The following PMFBP1 variants were observed in gnomAD, a reference collection of about 807,000 sequenced individuals.
The protein encoded by PMFBP1 is polyamine-modulated factor 1-binding protein 1.
PMFBP1 carries 131 observed loss-of-function variants against 137.8 expected under a neutral mutation model. The observed-to-expected ratio is 0.95, with a 90% CI of 0.82 to 1.10. PMFBP1 has a LOEUF of 1.10. Among genes scored for constraint, PMFBP1 ranks in the 50% least tolerant of loss-of-function variants. The pLI is 0.00. For missense variants in PMFBP1, 1,199 were observed against 1,175.4 expected (o/e 1.02, Z -0.29); for synonymous variants, 490 against 450.4 (o/e 1.09, Z -1.11).
intron 3 of PMFBP1, among the ~76,000 whole-genome samples, chr16:72,160,641 T>C (rs764675616): frequency 5.9e-5 from 9 of 152,198 alleles, no homozygotes; most frequent in Non-Finnish European, 1.3e-4. Flanking sequence ...ATATTTTTCT[T>C]TATTGAGAAA....
At chr16:72,221,278 A>T in the PMFBP1 span, among the ~76,000 whole-genome samples, 1 of 152,188 alleles carries the variant, frequency 6.6e-6, no homozygotes, top group South Asian at 2.1e-4. Context: ...CCCGCCTCCA[A>T]CATCATTAAG....
rs201023213 is a variant in PMFBP1, at chr16:72,119,936, G to A, written c.2922C>T (p.Cys974=). ...RTESTQREKV[C]GTLGWKGLPQ... ...GCAACCCCTTCCAGCCCAAGGTGCC[G>A]CACACTTTCTCCCTCTGTGTGGACT... The change falls in exon 20 of 21, where the codon TGC becomes TGT. Residue 974 remains cysteine, a synonymous_variant. Transcript: ENST00000237353. 7.4e-5 allele frequency: 119 copies of A among 1,614,142 alleles called. No individual in the cohort carries two copies. The highest frequency in any genetic ancestry group is 1.6e-4 in the Middle Eastern group (1 of 6,062).
chr16:72,215,832 G>T, the PMFBP1 span, among the ~76,000 whole-genome samples: 1 of 152,244 alleles, frequency 6.6e-6, no homozygotes, highest in South Asian at 2.1e-4. Flanking sequence ...TAATAGGGAA[G>T]ATGGGTGGAA....
At position 72,171,194 on chromosome 16, in the gene PMFBP1, T is replaced by C; in HGVS notation, c.12+3A>G. On this transcript the variant is annotated splice_donor_region_variant and intron_variant, in intron 2 of 20. Coordinates refer to ENST00000237353, the MANE Select transcript of PMFBP1 (RefSeq NM_031293.3). ...ATGCATGTAGAGGAGTTAGGAGCCTTACCTCATCTTTCATTTCCTTGGCAG... is the reference window on the plus strand; with the variant it reads ...ATGCATGTAGAGGAGTTAGGAGCCTCACCTCATCTTTCATTTCCTTGGCAG... 1 of 1,613,924 alleles carries C rather than the reference T, an allele frequency of 6.2e-7. No individual in the cohort carries two copies. Among genetic ancestry groups the C allele is most frequent in the Non-Finnish European group, 8.5e-7 (1 of 1,179,838 alleles).
At chr16:72,178,301 G>A (rs965631427), upstream of PMFBP1, among the ~76,000 whole-genome samples, 4 of 151,980 alleles carry the variant, frequency 2.6e-5, no homozygotes, top group Non-Finnish European at 4.4e-5. Flanking sequence ...TGGTTATGCT[G>A]GTGTCTACTG....
rs2043227617 is a variant in PMFBP1, at chr16:72,172,064, G to A, written c.-71C>T. 6.6e-6 allele frequency: 1 copy of A among 152,176 alleles called. No individual in the cohort carries two copies. The highest frequency in any genetic ancestry group is 2.1e-4 in the South Asian group (1 of 4,832). The allele number at this position is 152,176 out of a possible 1,614,324, so 9.4% of individuals were successfully genotyped here. A position where few individuals can be genotyped will look rare whatever the true frequency, so the allele number is the denominator to read the frequency against. On this transcript the variant is annotated 5_prime_UTR_variant, in exon 1 of 21. Transcript: ENST00000237353. ...CCACCAGGAACTTACCTGCAGAATA[G>A]TTCAAGGAATGAGAAGCTATCAAAA...
chr16:72,235,474 T>C, the PMFBP1 span, among the ~76,000 whole-genome samples: 1 of 151,506 alleles, frequency 6.6e-6, no homozygotes, highest in African/African-American at 2.4e-5. Context: ...ATCCTATTTT[T>C]CATCACTGTT....
chr16:72,239,755 G>C, the PMFBP1 span, among the ~76,000 whole-genome samples: 1 of 151,850 alleles, frequency 6.6e-6, no homozygotes, highest in African/African-American at 2.4e-5. Context: ...AGCTGGGTGT[G>C]GTGGCATGTG....
At chr16:72,249,255 A>G in the PMFBP1 span, among the ~76,000 whole-genome samples, 1 of 152,116 alleles carries the variant, frequency 6.6e-6, no homozygotes, top group Non-Finnish European at 1.5e-5. Flanking sequence ...TGAGTAGAGA[A>G]GAAGTTGAGA....
At chr16:72,249,430 C>T in the PMFBP1 span, among the ~76,000 whole-genome samples, 1 of 149,356 alleles carries the variant, frequency 6.7e-6, no homozygotes, top group Non-Finnish European at 1.5e-5. Context: ...CTCCAGGAAA[C>T]AAGAATTTTT....
chr16:72,206,250 T>A, the PMFBP1 span, among the ~76,000 whole-genome samples: 2 of 152,274 alleles, frequency 1.3e-5, no homozygotes, highest in East Asian at 3.9e-4. Flanking sequence ...TGGTGAGAAG[T>A]TGAAATGAGA....
rs769164171 is a variant in PMFBP1 at position 72,119,982 on chromosome 16, G to A, written c.2876C>T (p.Ala959Val). ...KAENTRLCTK[A>V]LGPSRTESTQ... ...GGACTCCGTTCTGCTCGGGCCTAGG[G>A]CTTTGGTGCATAGCCTTGTGTTCTC... is the stretch of plus-strand genomic sequence containing the variant. Residue 959 changes from alanine to valine, a missense_variant, in exon 20 of 21, where the codon GCC becomes GTC. Ala to Val is a moderately conservative substitution (Grantham distance 64, BLOSUM62 0). Coordinates refer to ENST00000237353, the MANE Select transcript of PMFBP1 (RefSeq NM_031293.3). The A allele has an allele frequency of 2.5e-6, 4 of 1,613,986 alleles. No individual in the cohort carries two copies. Among genetic ancestry groups the A allele is most frequent in the South Asian group, 2.2e-5 (2 of 91,080 alleles).
rs762983901 is a variant in PMFBP1 at position 72,126,003 on chromosome 16, C to T, written c.2218G>A (p.Ala740Thr). Residue 740 changes from alanine (A) to threonine (T), a missense_variant, in exon 15 of 21, where the codon GCC (alanine) becomes ACC (threonine). Transcript: ENST00000237353. The stretch of plus-strand genomic sequence containing the variant: ...GCTTGTGTCAGGTCATCCTGGCAGG[C>T]GGCTGACTTCCGGGATAATGCATCA... ...AYDALSRKSAACQDDLTQALE... is the reference protein window; with the variant it reads ...AYDALSRKSATCQDDLTQALE... The T allele has an allele frequency of 8.7e-6, 14 of 1,614,020 alleles. No homozygotes were observed. The highest frequency in any genetic ancestry group is 5.5e-5 in the South Asian group (5 of 91,064).
intron 3 of PMFBP1, among the ~76,000 whole-genome samples, chr16:72,154,920 G>A (rs1567637134): frequency 2.0e-5 from 3 of 152,108 alleles, no homozygotes; most frequent in Admixed American, 6.5e-5. Flanking sequence ...ATTTTGAAAC[G>A]CTGAAAAATG....
Position 72,130,611 on chromosome 16 carries a change from G to A in PMFBP1, c.1559C>T (p.Thr520Ile). The part of the protein sequence containing the change: ...GLLLDKQKAD[T>I]IQELQRELQM... The stretch of plus-strand genomic sequence containing the variant: ...AAGTTCTCTCTGTAGTTCCTGGATG[G>A]TGTCTGCCTTCTGCTTGTCCAGGAG... The change falls in exon 11 of 21, where the codon ACC becomes ATC. Residue 520 changes from threonine (T) to isoleucine (I), a missense_variant. Physicochemically the swap from Thr to Ile is moderately conservative, Grantham distance 89. Transcript: ENST00000237353. 1.2e-6 allele frequency: 2 copies of A among 1,613,948 alleles called. No individual in the cohort carries two copies. Among genetic ancestry groups the A allele is most frequent in the Non-Finnish European group, 1.7e-6 (2 of 1,179,992 alleles).
the PMFBP1 span, among the ~76,000 whole-genome samples, chr16:72,244,994 G>A: frequency 2.6e-5 from 4 of 152,088 alleles, no homozygotes; most frequent in South Asian, 2.1e-4. Flanking sequence ...CATGAGAGTC[G>A]GGCAACTGAC....
the PMFBP1 span, among the ~76,000 whole-genome samples, chr16:72,202,253 GT>G: frequency 6.6e-6 from 1 of 152,224 alleles, no homozygotes; most frequent in Non-Finnish European, 1.5e-5. Flanking sequence ...TCACTTCTCA[GT>G]CACAGTAGAC....
chr16:72,162,573 T>A (rs1378723654), intron 3 of PMFBP1, among the ~76,000 whole-genome samples: 1 of 152,234 alleles, frequency 6.6e-6, no homozygotes, highest in Non-Finnish European at 1.5e-5. Context: ...GGAAGGCAGA[T>A]CTTAAAGGGA....
the PMFBP1 span, among the ~76,000 whole-genome samples, chr16:72,204,448 C>T: frequency 6.6e-6 from 1 of 152,180 alleles, no homozygotes; most frequent in Non-Finnish European, 1.5e-5. Flanking sequence ...AGCAATCTGC[C>T]TGCGTTGGCC....
Sources: gnomAD v4.1 joint callset for allele counts (sites outside exome capture counted in the v4.1 genomes callset) on GRCh38, gnomAD v4.1.1 for gene constraint, MANE v1.5 for transcripts, NCBI Gene and HGNC (gene_info 2026-07-23, HGNC 2026-07-21) for gene names.